Variants in JARID2 observed in about 807,000 individuals in gnomAD.
The protein encoded by JARID2 is protein Jumonji.
Under a neutral mutation model 125.6 loss-of-function variants are expected in JARID2, and 21 were observed. The observed-to-expected ratio is 0.17, with a 90% CI of 0.12 to 0.24. The LOEUF (loss-of-function observed/expected upper bound fraction) is 0.24, where lower values mean the gene tolerates loss of function less well. Ranked by LOEUF, JARID2 falls within the 10% of genes least tolerant of loss-of-function variation. JARID2 has a pLI of 1.00. For missense variants in JARID2, 1,303 were observed against 1,639.6 expected, an observed-to-expected ratio of 0.79 and a Z score of 3.55; for synonymous variants, 736 against 661.6, an observed-to-expected ratio of 1.11 and a Z score of -1.73.
intron 2 of JARID2, among the ~76,000 whole-genome samples, chr6:15,375,411 C>G (rs60395683): frequency 6.6e-6 from 1 of 152,212 alleles, no homozygotes; most frequent in African/African-American, 2.4e-5. Context: ...GCCATAGTGG[C>G]TCAGTCATGT....
chr6:15,452,822 CAG>C (rs1767981944), intron 4 of JARID2, among the ~76,000 whole-genome samples: 2 of 152,072 alleles, frequency 1.3e-5, no homozygotes, highest in African/African-American at 4.8e-5. Flanking sequence ...GGAAAGAACA[CAG>C]AAGATTGAGA....
intron 1 of JARID2, among the ~76,000 whole-genome samples, chr6:15,363,539 C>T (rs1763871832): frequency 1.3e-5 from 2 of 152,168 alleles, no homozygotes; most frequent in African/African-American, 4.8e-5. Flanking sequence ...CTTGGAATGG[C>T]CTTCAAGTGC....
intron 4 of JARID2, among the ~76,000 whole-genome samples, chr6:15,460,139 C>A (rs1323568536): frequency 6.6e-6 from 1 of 152,128 alleles, no homozygotes; most frequent in Non-Finnish European, 1.5e-5. Flanking sequence ...TTACCTGTTT[C>A]ATTTGTTGGG....
Position 15,481,438 on chromosome 6 carries a change from T to G in JARID2, c.671-5869T>G, listed in dbSNP as rs550505978. On this transcript the variant is annotated intron_variant, in intron 5 of 17. Transcript: ENST00000341776. ...TTCTCTCTCTTATGTTCACAGGGTT[T>G]AATCTTTCCCTGTGAGAGTGAATAT... 2.0e-5 allele frequency among the ~76,000 whole-genome samples: 3 copies of G among 152,344 alleles called. No individual in the cohort carries two copies. The South Asian group carries it at 6.2e-4, about 32-fold the overall frequency.
At chr6:15,299,358 G>A (rs1761524341) in intron 1 of JARID2, among the ~76,000 whole-genome samples, 1 of 152,172 alleles carries the variant, frequency 6.6e-6, no homozygotes, top group Non-Finnish European at 1.5e-5. Flanking sequence ...GGTGTGTTTG[G>A]TAGAGGAAGG....
At chr6:15,347,295 A>T (rs1160564349) in intron 1 of JARID2, among the ~76,000 whole-genome samples, 1 of 152,136 alleles carries the variant, frequency 6.6e-6, no homozygotes, top group East Asian at 1.9e-4. Flanking sequence ...TTTAGAAAGG[A>T]AGTATGTTGA....
chr6:15,253,558 A>T (rs1180006054), intron 1 of JARID2, among the ~76,000 whole-genome samples: 1 of 151,902 alleles, frequency 6.6e-6, no homozygotes, highest in South Asian at 2.1e-4. Context: ...CAGAGGGCAA[A>T]GTATAGATCA....
intron 1 of JARID2, among the ~76,000 whole-genome samples, chr6:15,281,908 G>T (rs1760764004): frequency 6.7e-6 from 1 of 149,904 alleles, no homozygotes; most frequent in African/African-American, 2.5e-5. Context: ...GAAGTGCAGG[G>T]TCCAGGGTAT....
intron 1 of JARID2, among the ~76,000 whole-genome samples, chr6:15,366,665 C>T (rs921427426): frequency 1.3e-5 from 2 of 152,098 alleles, no homozygotes; most frequent in Admixed American, 6.5e-5. Context: ...CCCATCAATT[C>T]GAAGGCGATT....
chr6:15,388,193 T>G (rs969204815), intron 2 of JARID2, among the ~76,000 whole-genome samples: 4 of 152,172 alleles, frequency 2.6e-5, no homozygotes, highest in Non-Finnish European at 5.9e-5. Context: ...TTTGCTGTGC[T>G]TGTGAATGTC....
At chr6:15,264,555 C>T (rs1411863725) in intron 1 of JARID2, among the ~76,000 whole-genome samples, 1 of 150,922 alleles carries the variant, frequency 6.6e-6, no homozygotes, top group Non-Finnish European at 1.5e-5. Context: ...CTGCAGTGGC[C>T]AAGTAGCCAA....
intron 1 of JARID2, among the ~76,000 whole-genome samples, chr6:15,326,576 A>T (rs1269680477): frequency 6.6e-6 from 1 of 152,120 alleles, no homozygotes; most frequent in Non-Finnish European, 1.5e-5. Context: ...ATCTTCGCTC[A>T]CTGCGACCTC....
At chr6:15,367,089 C>T (rs185177519) in intron 1 of JARID2, among the ~76,000 whole-genome samples, 30 of 152,176 alleles carry the variant, frequency 2.0e-4, no homozygotes, top group Admixed American at 1.3e-3. Context: ...ATTTCCCTGT[C>T]GTTACTACCA....
Position 15,390,946 on chromosome 6 carries a change from A to C in JARID2, c.181+16694A>C, listed in dbSNP as rs564732251. ...TTTCCGTCTCAGAAAATGGGATACT[A>C]ATTTTTTTTCCTCAGAGGTGGTATT... On this transcript the variant is annotated intron_variant, in intron 2 of 17. Transcript: ENST00000341776. 7.9e-5 allele frequency among the ~76,000 whole-genome samples: 12 copies of C among 152,266 alleles called. No homozygotes were observed. The Middle Eastern group carries it at 0.014, about 173-fold the overall frequency.
rs757523906 is a variant in JARID2, at chr6:15,512,379, G to C, written c.3124G>C (p.Glu1042Gln). Residue 1042 changes from glutamate (E) to glutamine (Q), a missense_variant, in exon 14 of 18, where the codon GAG becomes CAG. Glu to Gln is a conservative substitution (Grantham distance 29, BLOSUM62 2). Around this residue, in one of 11 missense-constraint regions of JARID2, gnomAD observed 190 missense variants for 341.4 expected, o/e 0.56. Transcript: ENST00000341776. ...ATTQWTSMGF[E>Q]TAKEMKRRHI... ...CACCCAGTGGACAAGTATGGGCTTT[G>C]AGACCGCCAAGGTGAGCAGAGCCGG... 4 of 1,614,160 alleles carry C rather than the reference G, an allele frequency of 2.5e-6. No homozygotes were observed. The South Asian group carries it at 3.3e-5, about 13-fold the overall frequency.
intron 1 of JARID2, among the ~76,000 whole-genome samples, chr6:15,333,919 A>C (rs1762797841): frequency 6.6e-6 from 1 of 152,206 alleles, no homozygotes; most frequent in African/African-American, 2.4e-5. Context: ...GCCACCTATC[A>C]GGATGTTCTG....
intron 2 of JARID2, among the ~76,000 whole-genome samples, chr6:15,403,374 C>A (rs1367943127): frequency 6.6e-6 from 1 of 152,062 alleles, no homozygotes; most frequent in Admixed American, 6.6e-5. Flanking sequence ...AAGGGGAGAT[C>A]TTTTGTCTTT....
chr6:15,320,881 TGTTA>T (rs1420730079), intron 1 of JARID2, among the ~76,000 whole-genome samples: 4 of 151,932 alleles, frequency 2.6e-5, no homozygotes, highest in South Asian at 2.1e-4. Context: ...TGTGTGTGTG[TGTTA>T]GTTAAACTTG....
chr6:15,290,867 G>T (rs1357753082), intron 1 of JARID2, among the ~76,000 whole-genome samples: 1 of 152,212 alleles, frequency 6.6e-6, no homozygotes, highest in Non-Finnish European at 1.5e-5. Flanking sequence ...TGATCCGCCT[G>T]CCTCGGCCTC....
Sources: allele counts gnomAD v4.1 joint callset (sites outside exome capture counted in the v4.1 genomes callset), GRCh38; gene constraint gnomAD v4.1.1; regional missense constraint gnomAD v4.1.1; transcripts MANE v1.5; gene names NCBI Gene and HGNC (gene_info 2026-07-23, HGNC 2026-07-21).